The following ARHGAP10 variants were observed in gnomAD, a reference collection of about 807,000 sequenced individuals.
ARHGAP10 encodes rho GTPase-activating protein 10.
Under a neutral mutation model 108.6 loss-of-function variants are expected in ARHGAP10, and 87 were observed. That is an observed-to-expected ratio of 0.80 (90% CI 0.67 to 0.96). The LOEUF is 0.96. Ranked by LOEUF, ARHGAP10 falls within the 40% of genes least tolerant of loss-of-function variation. The probability of loss-of-function intolerance (pLI) is 0.00; values close to 1 mark genes in which losing one functional copy is unlikely to be tolerated. For missense variants in ARHGAP10, 939 were observed against 954.5 expected, an observed-to-expected ratio of 0.98 and a Z score of 0.21; for synonymous variants, 347 against 341.1, an observed-to-expected ratio of 1.02 and a Z score of -0.19.
chr4:147,933,583 G>C (rs1737790941), intron 13 of ARHGAP10, among the ~76,000 whole-genome samples: 1 of 152,192 alleles, frequency 6.6e-6, no homozygotes, highest in African/African-American at 2.4e-5. Flanking sequence ...CTAAGCCCAG[G>C]CTTGCCACGA....
In ARHGAP10 at chr4:147,934,889, G is replaced by A. The variant is rs143941801; in HGVS notation, c.1229-4936G>A. Reference sequence around the variant, plus strand: ...TTAAATTAAAAGGAATCAATTATGAGTTATGTTTAGAAGAAGGGAGTATCA... The same window carrying A: ...TTAAATTAAAAGGAATCAATTATGAATTATGTTTAGAAGAAGGGAGTATCA... On this transcript the variant is annotated intron_variant, in intron 13 of 22. Coordinates refer to ENST00000336498, the MANE Select transcript of ARHGAP10 (RefSeq NM_024605.4). Among the ~76,000 whole-genome samples, 324 of 152,288 alleles carry A rather than the reference G, an allele frequency of 2.1e-3. 2 individuals carry two copies. The highest frequency in any genetic ancestry group is 1.6e-3 in the Non-Finnish European group (108 of 68,026).
At chr4:147,836,037 A>G (rs1334014451) in intron 3 of ARHGAP10, among the ~76,000 whole-genome samples, 1 of 152,192 alleles carries the variant, frequency 6.6e-6, no homozygotes, top group Non-Finnish European at 1.5e-5. Context: ...TCCTAAGTGT[A>G]CTTAAAAACA....
At chr4:147,768,036 A>G (rs975699522) in intron 1 of ARHGAP10, among the ~76,000 whole-genome samples, 1 of 152,228 alleles carries the variant, frequency 6.6e-6, no homozygotes, top group Non-Finnish European at 1.5e-5. Context: ...ATATTTGTTA[A>G]TGGACTATTC....
rs549799678 is a variant in ARHGAP10 at position 147,963,369 on chromosome 4, C to T, written c.1451-1655C>T. On this transcript the variant is annotated intron_variant, in intron 16 of 22. Coordinates refer to ENST00000336498, the MANE Select transcript of ARHGAP10 (RefSeq NM_024605.4). Reference sequence around the variant, plus strand: ...CATTATGAGACCCTTCCTGAGCTTCCCTGGCCAGCCCTAAGTGAAACTACA... The same window carrying T: ...CATTATGAGACCCTTCCTGAGCTTCTCTGGCCAGCCCTAAGTGAAACTACA... 1.6e-3 allele frequency among the ~76,000 whole-genome samples: 251 copies of T among 152,310 alleles called. 1 individual carries two copies. Among genetic ancestry groups the T allele is most frequent in the Non-Finnish European group, 2.7e-3 (186 of 68,016 alleles).
At chr4:147,970,746 A>T (rs1739373289) in intron 18 of ARHGAP10, among the ~76,000 whole-genome samples, 1 of 152,204 alleles carries the variant, frequency 6.6e-6, no homozygotes, top group Non-Finnish European at 1.5e-5. Context: ...AAATCTGTGT[A>T]TACTTTATAG....
chr4:148,045,687 G>A lies in ARHGAP10; in HGVS notation c.1868-1205G>A, dbSNP rs188962966. Among the ~76,000 whole-genome samples, 884 of 136,676 alleles carry A rather than the reference G, an allele frequency of 6.5e-3. 11 individuals are homozygous for A. The highest frequency in any genetic ancestry group is 0.023 in the African/African-American group (851 of 36,380). The allele number at this position is 136,676 out of a possible 152,430, so 89.7% of individuals were successfully genotyped here. The stretch of plus-strand genomic sequence containing the variant: ...TGGGAGGCGGAGCTTGCGGTGAGCC[G>A]AGATCGCGCCATTGCACTCCAGCCT... On this transcript the variant is annotated intron_variant, in intron 19 of 22. Coordinates refer to ENST00000336498, the MANE Select transcript of ARHGAP10 (RefSeq NM_024605.4).
At chr4:148,057,182 G>T (rs1465924621) in intron 20 of ARHGAP10, among the ~76,000 whole-genome samples, 1 of 152,224 alleles carries the variant, frequency 6.6e-6, no homozygotes, top group Non-Finnish European at 1.5e-5. Context: ...GAAACTGCAA[G>T]CTGGCACTCA....
intron 20 of ARHGAP10, among the ~76,000 whole-genome samples, chr4:148,052,392 C>CTTTTTTTTTTT (rs35449374): frequency 3.3e-5 from 3 of 90,686 alleles, no homozygotes; most frequent in African/African-American, 1.3e-4. Context: ...TGCACATTTG[C>CTTTTTTTTTTT]TTTTTTTTTT....
intron 4 of ARHGAP10, among the ~76,000 whole-genome samples, chr4:147,857,122 G>A (rs1196506437): frequency 6.6e-6 from 1 of 152,254 alleles, no homozygotes; most frequent in East Asian, 1.9e-4. Context: ...AAAGTGCTGA[G>A]ATTACAGGTG....
chr4:148,064,457 CAG>C lies in ARHGAP10; in HGVS notation c.2224_2225del (p.Glu742ThrfsTer8), dbSNP rs761152333. 1 of 1,614,162 alleles carries C rather than the reference CAG, an allele frequency of 6.2e-7. No homozygotes were observed. The highest frequency in any genetic ancestry group is 1.7e-5 in the Admixed American group (1 of 60,020). On this transcript the variant is annotated frameshift_variant, in exon 22 of 23. Coordinates refer to ENST00000336498, the MANE Select transcript of ARHGAP10 (RefSeq NM_024605.4). LOFTEE classifies it high-confidence loss of function. ...GCTCGAGCCGTGTATCCGTGTGAAG[CAG>C]AACACAGCTCGGAATTATCTTTTGA...
At chr4:147,750,163 T>A (rs1224119794) in intron 1 of ARHGAP10, among the ~76,000 whole-genome samples, 1 of 152,214 alleles carries the variant, frequency 6.6e-6, no homozygotes, top group Non-Finnish European at 1.5e-5. Flanking sequence ...AAGTGTAGTT[T>A]TGAGTCAACA....
At chr4:147,933,793 G>C (rs1248390437) in intron 13 of ARHGAP10, among the ~76,000 whole-genome samples, 2 of 152,202 alleles carry the variant, frequency 1.3e-5, no homozygotes, top group Non-Finnish European at 2.9e-5. Flanking sequence ...GAATGGGCTG[G>C]AGTTGATATG....
At chr4:147,796,729 G>C (rs1234861294) in intron 1 of ARHGAP10, among the ~76,000 whole-genome samples, 2 of 152,018 alleles carry the variant, frequency 1.3e-5, no homozygotes, top group Admixed American at 6.6e-5. Flanking sequence ...GTTTCACCGT[G>C]TTAACCAGGA....
intron 22 of ARHGAP10, among the ~76,000 whole-genome samples, chr4:148,069,172 C>G (rs1044246859): frequency 6.6e-6 from 1 of 152,154 alleles, no homozygotes; most frequent in African/African-American, 2.4e-5. Context: ...GTCAGATCTT[C>G]AGAGAGGGAG....
intron 4 of ARHGAP10, among the ~76,000 whole-genome samples, chr4:147,853,674 C>G (rs1412154772): frequency 6.6e-6 from 1 of 152,034 alleles, no homozygotes; most frequent in Non-Finnish European, 1.5e-5. Context: ...AAATGTTTCC[C>G]TACGTTCTTA....
chr4:147,810,738 T>C (rs998581190), intron 1 of ARHGAP10, among the ~76,000 whole-genome samples: 15 of 152,314 alleles, frequency 9.8e-5, no homozygotes, highest in East Asian at 7.7e-4. Context: ...GTAGTCCAGA[T>C]AGAGGGCCCT....
intron 1 of ARHGAP10, among the ~76,000 whole-genome samples, chr4:147,787,072 T>C (rs1452283768): frequency 6.6e-6 from 1 of 152,200 alleles, no homozygotes; most frequent in South Asian, 2.1e-4. Context: ...GCCTGTGTGC[T>C]GAAGAATGTG....
At chr4:147,982,392 C>T (rs1264028783) in intron 18 of ARHGAP10, among the ~76,000 whole-genome samples, 9 of 138,386 alleles carry the variant, frequency 6.5e-5, no homozygotes, top group Non-Finnish European at 1.4e-4. Context: ...CTTTTTGAGA[C>T]AGGGTCTCAC....
At chr4:147,904,568 T>C (rs2358177) in intron 10 of ARHGAP10, among the ~76,000 whole-genome samples, 1 of 152,212 alleles carries the variant, frequency 6.6e-6, no homozygotes, top group African/African-American at 2.4e-5. Flanking sequence ...AGCTCATCAT[T>C]TTTTATGGCT....
Sources: gnomAD v4.1 joint callset for allele counts (sites outside exome capture counted in the v4.1 genomes callset) on GRCh38, gnomAD v4.1.1 for gene constraint, MANE v1.5 for transcripts, NCBI Gene and HGNC (gene_info 2026-07-23, HGNC 2026-07-21) for gene names.